ANK3: variants seen among roughly 807,000 people sequenced by gnomAD.
ANK3 encodes the protein ankyrin 3.
ANK3 carries 57 observed loss-of-function variants against 370.9 expected under a neutral mutation model. The observed-to-expected ratio is 0.15, with a 90% CI of 0.12 to 0.19. ANK3 has a LOEUF of 0.19. ANK3 is among the 10% of genes least tolerant of loss of function. ANK3 has a pLI of 1.00. For synonymous variants in ANK3, 1,929 were observed against 1,946.3 expected, an observed-to-expected ratio of 0.99 and a Z score of 0.23; for missense variants, 4,439 against 5,302.1, an observed-to-expected ratio of 0.84 and a Z score of 5.06.
chr10:60,512,487 G>T (rs571163981), intron 2 of ANK3, among the ~76,000 whole-genome samples: 1 of 152,208 alleles, frequency 6.6e-6, no homozygotes, highest in East Asian at 1.9e-4. Flanking sequence ...TTTTCATACT[G>T]AGGAAATAGA....
At chr10:60,560,678 CA>C (rs2077315152) in intron 2 of ANK3, among the ~76,000 whole-genome samples, 3 of 152,124 alleles carry the variant, frequency 2.0e-5, no homozygotes, top group African/African-American at 7.2e-5. Context: ...AGTGAAATAA[CA>C]CCACATTTGT....
intron 1 of ANK3, among the ~76,000 whole-genome samples, chr10:60,287,367 C>G (rs975416859): frequency 6.6e-6 from 1 of 152,102 alleles, no homozygotes; most frequent in Admixed American, 6.6e-5. Flanking sequence ...CCAGTTCAGG[C>G]CCTTACTGTA....
At chr10:60,386,599 T>A (rs1240629131) in intron 1 of ANK3, among the ~76,000 whole-genome samples, 6 of 151,972 alleles carry the variant, frequency 3.9e-5, no homozygotes, top group Admixed American at 6.6e-5. Flanking sequence ...ATAGACCATA[T>A]GTATAATTCA....
intron 7 of ANK3, among the ~76,000 whole-genome samples, chr10:60,260,378 A>T (rs1234028692): frequency 6.6e-6 from 1 of 152,242 alleles, no homozygotes; most frequent in Non-Finnish European, 1.5e-5. Context: ...TATTATTTTT[A>T]CTGCTGATGC....
intron 1 of ANK3, among the ~76,000 whole-genome samples, chr10:60,285,008 T>C (rs892201640): frequency 2.0e-5 from 3 of 152,090 alleles, no homozygotes; most frequent in East Asian, 1.9e-4. Context: ...AAAAGTTTCC[T>C]TCCACTTTTC....
At chr10:60,538,828 A>T (rs7080540) in intron 2 of ANK3, among the ~76,000 whole-genome samples, 107,712 of 151,678 alleles carry the variant, frequency 0.71, 38,336 homozygotes, top group South Asian at 0.88. Flanking sequence ...TACACTTTCT[A>T]AAAATAAATG....
chr10:60,213,537 T>C (rs1190826661), intron 8 of ANK3, 27 bp from the exon 9 acceptor site: 1 of 1,495,846 alleles, frequency 6.7e-7, no homozygotes, highest in African/African-American at 1.4e-5. Context: ...ACATCACCAA[T>C]TAAATTTGAC....
At chr10:60,494,633 T>C (rs966040382) in intron 2 of ANK3, among the ~76,000 whole-genome samples, 1 of 152,200 alleles carries the variant, frequency 6.6e-6, no homozygotes, top group Non-Finnish European at 1.5e-5. Flanking sequence ...AGGTGTTTTC[T>C]TTTAGCCTTA....
At chr10:60,187,037 T>C (rs1352368195) in intron 16 of ANK3, 125 bp from the exon 17 acceptor site, 2 of 923,244 alleles carry the variant, frequency 2.2e-6, no homozygotes, top group Non-Finnish European at 3.3e-6. Flanking sequence ...CATGATTAAG[T>C]AAGCAAATAC....
At position 60,084,653 on chromosome 10, in the gene ANK3, A is replaced by G. The variant is rs376472003; in HGVS notation, c.4023T>C (p.Thr1341=). ...CCTCAAAATTCTCTTGTTGCTCTAA[A>G]GTTTTGTCCACTTTGTCATCTGTCA... ...FCMTDDKVDK[T]LEQQENFEEV... The change falls in exon 32 of 44, where the codon ACT becomes ACC. Residue 1341 remains threonine (T), a synonymous_variant. Coordinates refer to ENST00000280772, the MANE Select transcript of ANK3 (RefSeq NM_020987.5). 5 of 1,613,770 alleles carry G rather than the reference A, an allele frequency of 3.1e-6. No individual in the cohort carries two copies. Among genetic ancestry groups the G allele is most frequent in the Non-Finnish European group, 4.2e-6 (5 of 1,179,954 alleles).
chr10:60,260,256 T>C (rs1201018114), intron 7 of ANK3, among the ~76,000 whole-genome samples: 2 of 152,212 alleles, frequency 1.3e-5, no homozygotes, highest in African/African-American at 4.8e-5. Flanking sequence ...TCTCTAAACC[T>C]AGGTTTCTTC....
At chr10:60,142,747 T>C (rs2094623966) in intron 23 of ANK3, among the ~76,000 whole-genome samples, 1 of 152,144 alleles carries the variant, frequency 6.6e-6, no homozygotes, top group Non-Finnish European at 1.5e-5. Context: ...AATAGCCTTA[T>C]AACATTAAGT....
chr10:60,373,668 G>T (rs781325883), intron 1 of ANK3, among the ~76,000 whole-genome samples: 1 of 152,158 alleles, frequency 6.6e-6, no homozygotes, highest in Non-Finnish European at 1.5e-5. Flanking sequence ...GCAAGGTCAC[G>T]GAAGGCAAGC....
chr10:60,554,353 C>T (rs2077160039), intron 2 of ANK3, among the ~76,000 whole-genome samples: 1 of 152,180 alleles, frequency 6.6e-6, no homozygotes. Flanking sequence ...CAGCATGTTG[C>T]ACCATAAACG....
chr10:60,109,542 T>G (rs1001917833), intron 26 of ANK3, among the ~76,000 whole-genome samples: 2 of 152,212 alleles, frequency 1.3e-5, no homozygotes, highest in African/African-American at 4.8e-5. Context: ...ATACCAACAC[T>G]AATTTTTACT....
Position 60,173,096 on chromosome 10 carries a change from T to G in ANK3, c.2275A>C (p.Lys759Gln). The stretch of plus-strand genomic sequence containing the variant: ...AAAAGGAAGGAGCTTACCTTTGTTT[T>G]GGCATTAACTTTTGCAGAATGCTGG... ...LLQHSAKVNA[K>Q]TKNGYTPLHQ... is the part of the protein sequence containing the mutation. The change falls in exon 19 of 44, where the codon AAA (lysine) becomes CAA (glutamine). Residue 759 changes from lysine (K) to glutamine (Q), a missense_variant. Transcript: ENST00000280772. 1 of 1,613,846 alleles carries G rather than the reference T, an allele frequency of 6.2e-7. No individual in the cohort carries two copies.
intron 2 of ANK3, among the ~76,000 whole-genome samples, chr10:60,440,789 C>T (rs759821631): frequency 2.0e-5 from 3 of 152,056 alleles, no homozygotes; most frequent in Non-Finnish European, 4.4e-5. Flanking sequence ...AAGAGACTTA[C>T]GTAACAAAAG....
At chr10:60,536,831 A>G (rs2076735899) in intron 2 of ANK3, among the ~76,000 whole-genome samples, 1 of 152,062 alleles carries the variant, frequency 6.6e-6, no homozygotes, top group African/African-American at 2.4e-5. Context: ...CCAAGAGTAT[A>G]AGAGCCAAGA....
chr10:60,034,659 C>T (rs2074502232), intron 43 of ANK3, among the ~76,000 whole-genome samples: 1 of 152,142 alleles, frequency 6.6e-6, no homozygotes, highest in Admixed American at 6.5e-5. Context: ...CTAATGAAAT[C>T]CACCTTTGTA....
Sources: allele counts gnomAD v4.1 joint callset (sites outside exome capture counted in the v4.1 genomes callset), GRCh38; gene constraint gnomAD v4.1.1; transcripts MANE v1.5; gene names NCBI Gene and HGNC (gene_info 2026-07-23, HGNC 2026-07-21).